KIAA1958: variants seen among roughly 807,000 people sequenced by gnomAD.
KIAA1958 encodes uncharacterized protein KIAA1958.
In KIAA1958, 14 loss-of-function variants were observed where a neutral mutation model predicts 47.2. That is an observed-to-expected ratio of 0.30 (90% confidence interval 0.20 to 0.46). The LOEUF is 0.46. Ranked by LOEUF, KIAA1958 falls within the 20% of genes least tolerant of loss-of-function variation. The probability of loss-of-function intolerance (pLI) is 1.00; values close to 1 mark genes in which losing one functional copy is unlikely to be tolerated. For missense variants in KIAA1958, 803 were observed against 909.2 expected, an observed-to-expected ratio of 0.88 and a Z score of 1.50; for synonymous variants, 354 against 353.3, an observed-to-expected ratio of 1.00 and a Z score of -0.02.
intron 2 of KIAA1958, among the ~76,000 whole-genome samples, chr9:112,638,291 A>C (rs957395037): frequency 6.6e-6 from 1 of 152,162 alleles, no homozygotes; most frequent in African/African-American, 2.4e-5. Context: ...AATCGGTTGA[A>C]GCCAGAAATT....
chr9:112,568,832 G>C (rs1421218682), intron 1 of KIAA1958, among the ~76,000 whole-genome samples: 3 of 145,098 alleles, frequency 2.1e-5, no homozygotes, highest in African/African-American at 5.1e-5. Flanking sequence ...AGGTTACAGT[G>C]AGCTGTGATC....
intron 3 of KIAA1958, among the ~76,000 whole-genome samples, chr9:112,658,791 C>T (rs1435206437): frequency 6.7e-6 from 1 of 149,960 alleles, no homozygotes; most frequent in Admixed American, 6.6e-5. Context: ...AACCCCATCT[C>T]TACAAAAAAT....
intron 1 of KIAA1958, among the ~76,000 whole-genome samples, chr9:112,550,702 C>A (rs1835126183): frequency 6.6e-6 from 1 of 152,186 alleles, no homozygotes; most frequent in Non-Finnish European, 1.5e-5. Flanking sequence ...CAATGCATGA[C>A]AAAACATGTG....
intron 1 of KIAA1958, among the ~76,000 whole-genome samples, chr9:112,490,782 G>A (rs141904347): frequency 3.9e-5 from 6 of 152,256 alleles, no homozygotes; most frequent in African/African-American, 1.2e-4. Context: ...CTTTTTCACC[G>A]TTAGTGTTCA....
At chr9:112,516,852 G>A (rs1834445207) in intron 1 of KIAA1958, among the ~76,000 whole-genome samples, 4 of 152,218 alleles carry the variant, frequency 2.6e-5, no homozygotes, top group Admixed American at 2.6e-4. Context: ...CAGTTTCACA[G>A]AGGCTCCAGT....
chr9:112,628,947 A>C (rs1836665120), intron 2 of KIAA1958, among the ~76,000 whole-genome samples: 1 of 152,168 alleles, frequency 6.6e-6, no homozygotes, highest in African/African-American at 2.4e-5. Flanking sequence ...GTAGGCCTGA[A>C]ACCTGGTGGG....
chr9:112,567,594 C>T (rs767492032), intron 1 of KIAA1958, among the ~76,000 whole-genome samples: 37 of 152,172 alleles, frequency 2.4e-4, no homozygotes, highest in Non-Finnish European at 3.5e-4. Flanking sequence ...GAAACAACCA[C>T]GAGCACCATA....
At chr9:112,651,124 T>C (rs367823972) in intron 3 of KIAA1958, among the ~76,000 whole-genome samples, 12 of 152,274 alleles carry the variant, frequency 7.9e-5, no homozygotes, top group African/African-American at 2.6e-4. Context: ...ACAAGTAGAC[T>C]GAAAATCAGT....
intron 1 of KIAA1958, among the ~76,000 whole-genome samples, chr9:112,568,960 A>AAC (rs1835483198): frequency 1.3e-5 from 2 of 148,304 alleles, no homozygotes; most frequent in African/African-American, 5.0e-5. Context: ...AAAAAAAAAA[A>AAC]AAAAAAATTG....
At chr9:112,526,960 G>T (rs1834668836) in intron 1 of KIAA1958, among the ~76,000 whole-genome samples, 1 of 152,222 alleles carries the variant, frequency 6.6e-6, no homozygotes, top group Non-Finnish European at 1.5e-5. Context: ...TACAGCCTGG[G>T]AGGTGTTTAT....
intron 2 of KIAA1958, among the ~76,000 whole-genome samples, chr9:112,601,812 A>G (rs1412805494): frequency 1.3e-5 from 2 of 152,242 alleles, no homozygotes; most frequent in African/African-American, 4.8e-5. Flanking sequence ...GTCACATAGC[A>G]TACATCCAAG....
chr9:112,525,444 G>A (rs1168097646), intron 1 of KIAA1958, among the ~76,000 whole-genome samples: 1 of 152,228 alleles, frequency 6.6e-6, no homozygotes, highest in Admixed American at 6.5e-5. Flanking sequence ...TTGGGAAAAT[G>A]AGAATATCCT....
rs1248687347 is a variant in KIAA1958, at chr9:112,659,318, A to G, written c.1400A>G (p.Lys467Arg). The G allele has an allele frequency of 9.9e-6, 16 of 1,613,958 alleles. No individual in the cohort carries two copies. Among genetic ancestry groups the G allele is most frequent in the Non-Finnish European group, 1.4e-5 (16 of 1,180,036 alleles). Residue 467 changes from lysine (K) to arginine (R), a missense_variant, in exon 4 of 4, where the codon AAG becomes AGG. Physicochemically the swap from Lys to Arg is conservative, Grantham distance 26. This residue lies in a region of KIAA1958 where 761 missense variants were observed against 829.3 expected (regional missense o/e 0.92). Coordinates refer to ENST00000337530, the MANE Select transcript of KIAA1958 (RefSeq NM_133465.4). ...LLENFYVTVKKSDGSDFLATS... is the reference protein window; with the variant it reads ...LLENFYVTVKRSDGSDFLATS... ...GAGAACTTTTATGTCACCGTCAAGA[A>G]GAGCGACGGCTCGGACTTCCTGGCC...
intron 2 of KIAA1958, among the ~76,000 whole-genome samples, chr9:112,611,788 TA>T (rs1402230254): frequency 6.6e-6 from 1 of 152,038 alleles, no homozygotes; most frequent in Non-Finnish European, 1.5e-5. Context: ...TGTTCTGAAA[TA>T]ATAGAGTAAG....
intron 2 of KIAA1958, among the ~76,000 whole-genome samples, chr9:112,581,333 T>TTCA (rs1042926735): frequency 1.3e-5 from 2 of 152,178 alleles, no homozygotes; most frequent in South Asian, 2.1e-4. Context: ...TATTTTTATT[T>TTCA]TCATCATCAT....
At chr9:112,520,008 A>G (rs555580251) in intron 1 of KIAA1958, among the ~76,000 whole-genome samples, 2 of 152,318 alleles carry the variant, frequency 1.3e-5, no homozygotes, top group Admixed American at 1.3e-4. Context: ...CCTTGGTGAT[A>G]TGTCATCTTA....
intron 1 of KIAA1958, among the ~76,000 whole-genome samples, chr9:112,500,800 G>T (rs1206829389): frequency 2.6e-5 from 4 of 152,036 alleles, no homozygotes; most frequent in Non-Finnish European, 5.9e-5. Context: ...AAGGTTAGTT[G>T]GTTTGGCCAT....
intron 2 of KIAA1958, among the ~76,000 whole-genome samples, chr9:112,639,937 C>T (rs1719914743): frequency 6.6e-6 from 1 of 152,214 alleles, no homozygotes; most frequent in Non-Finnish European, 1.5e-5. Context: ...TTAATAGATT[C>T]CAATGCTCTA....
chr9:112,581,741 C>T (rs1198509196), intron 2 of KIAA1958: 1 of 197,026 alleles, frequency 5.1e-6, no homozygotes, highest in African/African-American at 2.3e-5. Flanking sequence ...TACCTTTCAA[C>T]ACTAGTTATC....
Sources: gnomAD v4.1 joint callset for allele counts (sites outside exome capture counted in the v4.1 genomes callset) on GRCh38, gnomAD v4.1.1 for gene constraint, gnomAD v4.1.1 regional missense constraint, MANE v1.5 for transcripts, NCBI Gene and HGNC (gene_info 2026-07-23, HGNC 2026-07-21) for gene names.